The following TRIM49B variants were observed in gnomAD, a reference collection of about 807,000 sequenced individuals.
TRIM49B encodes the protein tripartite motif containing 49B, also known as putative tripartite motif-containing protein 49B.
In TRIM49B, 18 loss-of-function variants were observed where a neutral mutation model predicts 31.8. That is an observed-to-expected ratio of 0.57 (90% confidence interval 0.39 to 0.84). TRIM49B has a LOEUF of 0.84. TRIM49B is among the 40% of genes least tolerant of loss of function. The probability of loss-of-function intolerance (pLI) is 0.00; values close to 1 mark genes in which losing one functional copy is unlikely to be tolerated. For synonymous variants in TRIM49B, 196 were observed against 180.6 expected, an observed-to-expected ratio of 1.09 and a Z score of -0.68; for missense variants, 494 against 538.7, an observed-to-expected ratio of 0.92 and a Z score of 0.82.
At position 49,031,674 on chromosome 11, in the gene TRIM49B, G is replaced by T; in HGVS notation, c.75G>T (p.Pro25=). Reference sequence around the variant, plus strand: ...TCTGCATGAACTACTTCATAGACCCGGTCACCATAGACTGTGGGCACAGCT... The same window carrying T: ...TCTGCATGAACTACTTCATAGACCCTGTCACCATAGACTGTGGGCACAGCT... ...CPICMNYFID[P]VTIDCGHSFC... The change falls in exon 2 of 7, where the codon CCG becomes CCT. Residue 25 remains proline (P), a synonymous_variant. Coordinates refer to ENST00000332682, the MANE Select transcript of TRIM49B (RefSeq NM_001206626.2). The T allele has an allele frequency of 6.2e-7, 1 of 1,613,874 alleles. No homozygotes were observed. Among genetic ancestry groups the T allele is most frequent in the African/African-American group, 1.3e-5 (1 of 75,008 alleles).
intron 1 of TRIM49B, among the ~76,000 whole-genome samples, chr11:49,030,093 G>C (rs554980940): frequency 6.6e-6 from 1 of 152,256 alleles, no homozygotes; most frequent in South Asian, 2.1e-4. Context: ...CAGCACTTTG[G>C]AAAGCCAAAG....
Position 49,035,097 on chromosome 11 carries a change from T to C in TRIM49B, c.741T>C (p.Ala247=), listed in dbSNP as rs767925561. ...CHKPDVELLQ[A]FGDILHRSES... ...TCTCTTTTTTTTTTTTTTTTCAGGC[T>C]TTTGGAGACATATTACACAGGTGAG... The change falls in exon 5 of 7, where the codon GCT becomes GCC. Residue 247 remains alanine, a splice_region_variant and synonymous_variant. Transcript: ENST00000332682. 3.8e-6 allele frequency: 6 copies of C among 1,589,578 alleles called. No individual in the cohort carries two copies. The highest frequency in any genetic ancestry group is 5.2e-6 in the Non-Finnish European group (6 of 1,164,986).
In TRIM49B at chr11:49,034,306, G is replaced by A. The variant is rs774373070; in HGVS notation, c.668G>A (p.Arg223Lys). 2 of 1,611,960 alleles carry A rather than the reference G, an allele frequency of 1.2e-6. No homozygotes were observed. The highest frequency in any genetic ancestry group is 2.2e-5 in the East Asian group (1 of 44,880). ...AGTAAAGCCAAAATGGCTCATAGGA[G>A]GGAGATTTTAAGAGGAATGTATGAG... ...HLSKAKMAHR[R>K]EILRGMYEEL... Residue 223 changes from arginine to lysine, a missense_variant, in exon 4 of 7, where the codon AGG becomes AAG. Physicochemically the swap from Arg to Lys is conservative, Grantham distance 26. This residue lies in a region of TRIM49B where 233 missense variants were observed against 281.4 expected (regional missense o/e 0.83). Transcript: ENST00000332682.
At chr11:49,031,504 A>C in intron 1 of TRIM49B, 92 bp from the exon 2 acceptor site, 9 of 1,544,866 alleles carry the variant, frequency 5.8e-6, no homozygotes, top group Non-Finnish European at 7.8e-6. Flanking sequence ...CACTGTCAAG[A>C]GAAGAAAATA....
At chr11:49,036,530 A>G (rs1301235315) in intron 6 of TRIM49B, 132 bp downstream of exon 6, 1 of 605,634 alleles carries the variant, frequency 1.7e-6, no homozygotes. Context: ...TAACCATGCA[A>G]CCCTTTGGTA....
At chr11:49,034,841 C>A in intron 4 of TRIM49B, among the ~76,000 whole-genome samples, 1 of 152,178 alleles carries the variant, frequency 6.6e-6, no homozygotes, top group Non-Finnish European at 1.5e-5. Context: ...AGAGCATAGA[C>A]CTTCTGGGCC....
chr11:49,032,789 G>C (rs1854470918), intron 3 of TRIM49B, among the ~76,000 whole-genome samples: 1 of 152,088 alleles, frequency 6.6e-6, no homozygotes, highest in African/African-American at 2.4e-5. Flanking sequence ...AGTAGTATTT[G>C]GAATTGTATG....
intron 1 of TRIM49B, among the ~76,000 whole-genome samples, chr11:49,030,948 C>A (rs576223295): frequency 6.6e-5 from 10 of 150,568 alleles, no homozygotes; most frequent in South Asian, 6.3e-4. Flanking sequence ...TACTAGTGAA[C>A]CTTGATTGGT....
intron 1 of TRIM49B, among the ~76,000 whole-genome samples, chr11:49,030,844 A>G (rs1031917840): frequency 5.9e-5 from 9 of 152,160 alleles, no homozygotes; most frequent in Non-Finnish European, 1.3e-4. Context: ...AACCTCCTAT[A>G]TGTTAGTTCA....
intron 1 of TRIM49B, among the ~76,000 whole-genome samples, 157 bp from the exon 2 acceptor site, chr11:49,031,439 A>G (rs963695190): frequency 3.9e-5 from 6 of 152,212 alleles, no homozygotes; most frequent in African/African-American, 1.4e-4. Flanking sequence ...GACTCCCTCT[A>G]TGTGTAAATT....
rs1162577307 is a variant in TRIM49B, at chr11:49,037,493, A to C, written c.875A>C (p.His292Pro). Residue 292 changes from histidine (H) to proline (P), a missense_variant, in exon 7 of 7, where the codon CAT (histidine) becomes CCT (proline). His to Pro is a moderately conservative substitution (Grantham distance 77, BLOSUM62 -2). This residue lies in a region of TRIM49B where 233 missense variants were observed against 281.4 expected (regional missense o/e 0.83). Transcript: ENST00000332682. Reference protein sequence around the residue: ...LNQFRVHITLHHEEANSDIFL... With the variant: ...LNQFRVHITLPHEEANSDIFL... Reference sequence around the variant, plus strand: ...TTTTTTGCAGTGCATATTACTCTGCATCATGAAGAAGCCAACAGTGATATC... The same window carrying C: ...TTTTTTGCAGTGCATATTACTCTGCCTCATGAAGAAGCCAACAGTGATATC... The C allele has an allele frequency of 6.2e-7, 1 of 1,614,020 alleles. No homozygotes were observed. Among genetic ancestry groups the C allele is most frequent in the Non-Finnish European group, 8.5e-7 (1 of 1,179,974 alleles).
chr11:49,037,214 C>G (rs570006925), intron 6 of TRIM49B, among the ~76,000 whole-genome samples: 1 of 152,208 alleles, frequency 6.6e-6, no homozygotes, highest in Non-Finnish European at 1.5e-5. Context: ...TTAGGGCATA[C>G]AATGTATAAA....
intron 6 of TRIM49B, 117 bp downstream of exon 6, chr11:49,036,515 C>A (rs1238771269): frequency 1.6e-6 from 1 of 641,526 alleles, no homozygotes; most frequent in Non-Finnish European, 2.6e-6. Flanking sequence ...CATAAGTGAA[C>A]AATATAACCA....
At position 49,032,582 on chromosome 11, in the gene TRIM49B, T is replaced by C. The variant is rs564711155; in HGVS notation, c.507+211T>C. On this transcript the variant is annotated intron_variant, in intron 3 of 6. Coordinates refer to ENST00000332682, the MANE Select transcript of TRIM49B (RefSeq NM_001206626.2). ...GTAGGATTTCTAAGAAAACTACTGA[T>C]GTCACCCAAAGCATGCTGGTTTGTT... Among the ~76,000 whole-genome samples the C allele has an allele frequency of 1.6e-3, 242 of 148,918 alleles. 2 individuals are homozygous for C. Among genetic ancestry groups the C allele is most frequent in the African/African-American group, 5.8e-3 (235 of 40,208 alleles).
rs766735794 is a variant in TRIM49B, at chr11:49,037,791, C to G, written c.1173C>G (p.Leu391=). The G allele has an allele frequency of 6.2e-7, 1 of 1,613,970 alleles. No individual in the cohort carries two copies. The highest frequency in any genetic ancestry group is 1.7e-4 in the Middle Eastern group (1 of 6,056). ...GCVKNDIQRS[L]FTTSPLLLQY... ...TTAAGAATGACATTCAACGCAGTCTCTTTACCACCTCCCCACTTCTGCTGC... is the reference window on the plus strand; with the variant it reads ...TTAAGAATGACATTCAACGCAGTCTGTTTACCACCTCCCCACTTCTGCTGC... Residue 391 remains leucine (L), a synonymous_variant, in exon 7 of 7, where the codon CTC becomes CTG. Coordinates refer to ENST00000332682, the MANE Select transcript of TRIM49B (RefSeq NM_001206626.2).
rs1409719855 is a variant in TRIM49B at position 49,037,633 on chromosome 11, G to C, written c.1015G>C (p.Gly339Arg). Residue 339 changes from glycine to arginine, a missense_variant, in exon 7 of 7, where the codon GGC becomes CGC. Physicochemically the swap from Gly to Arg is moderately radical, Grantham distance 125 (BLOSUM62 -2). Transcript: ENST00000332682. ...ATGGGGTGCTCAGACTTTCACCTCGGGCAAATATTACTGGGAGGTCCATGT... is the reference window on the plus strand; with the variant it reads ...ATGGGGTGCTCAGACTTTCACCTCGCGCAAATATTACTGGGAGGTCCATGT... ...LAWGAQTFTS[G>R]KYYWEVHVGD... The C allele has an allele frequency of 1.5e-5, 25 of 1,613,758 alleles. No homozygotes were observed. Among genetic ancestry groups the C allele is most frequent in the Non-Finnish European group, 2.1e-5 (25 of 1,179,892 alleles).
At chr11:49,035,236 T>A (rs1421010431) in intron 5 of TRIM49B, 119 bp downstream of exon 5, 3 of 1,518,400 alleles carry the variant, frequency 2.0e-6, no homozygotes, top group African/African-American at 1.4e-5. Context: ...TGATACCACT[T>A]TTTTTTTGCA....
chr11:49,036,636 T>C (rs921581519), intron 6 of TRIM49B, among the ~76,000 whole-genome samples: 4 of 152,094 alleles, frequency 2.6e-5, no homozygotes, highest in African/African-American at 7.2e-5. Context: ...AGTTATATAA[T>C]AGGAAAAAGG....
intron 3 of TRIM49B, among the ~76,000 whole-genome samples, chr11:49,033,027 C>T (rs1276931091): frequency 6.6e-6 from 1 of 152,038 alleles, no homozygotes; most frequent in East Asian, 1.9e-4. Flanking sequence ...ATAATTTTCT[C>T]TTTGTGGATG....
Sources: allele counts gnomAD v4.1 joint callset (sites outside exome capture counted in the v4.1 genomes callset), GRCh38; gene constraint gnomAD v4.1.1; regional missense constraint gnomAD v4.1.1; transcripts MANE v1.5; gene names NCBI Gene and HGNC (gene_info 2026-07-23, HGNC 2026-07-21).